The following TRRAP variants were observed in gnomAD, a reference collection of about 807,000 sequenced individuals.
TRRAP encodes transformation/transcription domain associated protein.
A neutral mutation model predicts 438.8 loss-of-function variants in TRRAP; 41 were observed. That is an observed-to-expected ratio of 0.09 (90% CI 0.07 to 0.12). The LOEUF (loss-of-function observed/expected upper bound fraction) is 0.12. Ranked by LOEUF, TRRAP falls within the 10% of genes least tolerant of loss-of-function variation. TRRAP has a pLI of 1.00. For missense variants in TRRAP, 3,122 were observed against 5,055.1 expected (o/e 0.62, Z 11.60); for synonymous variants, 1,994 against 1,962.9 (o/e 1.02, Z -0.42).
chr7:98,949,348 ATTCATATCCTCTAACT>A, intron 35 of TRRAP, 53 bp from the exon 36 acceptor site: 1 of 1,397,490 alleles, frequency 7.2e-7, no homozygotes, highest in Non-Finnish European at 9.4e-7. Context: ...AAGATTTAAC[ATTCATATCCTCTAACT>A]TTCTGTGAGT....
In TRRAP at chr7:98,931,702, CA is replaced by C. The variant is rs782413375; in HGVS notation, c.3852+41del. 5.0e-6 allele frequency: 8 copies of C among 1,589,764 alleles called. No homozygotes were observed. The South Asian group carries it at 9.1e-5, about 18-fold the overall frequency. On this transcript the variant is annotated intron_variant, in intron 26 of 72. Coordinates refer to ENST00000456197, the MANE Select transcript of TRRAP (RefSeq NM_001375524.1). ...GTCACCAGAACCAAGGTAATTTCAA[CA>C]AAACTTTTGAGCCTTTTTTTTAAAT...
chr7:98,967,780 C>A, intron 51 of TRRAP, 82 bp downstream of exon 51: 1 of 1,237,126 alleles, frequency 8.1e-7, no homozygotes, highest in Non-Finnish European at 1.1e-6. Context: ...GAGGTGTTCA[C>A]ACACACTGAG....
Position 98,953,369 on chromosome 7 carries a change from G to C in TRRAP, c.5666G>C (p.Ser1889Thr). ...TGCGTGGACCCAGCCTGCAAGTACA[G>C]CGGACACTTGCTCCTGGCGCACATT... Reference protein sequence around the residue: ...KACVDPACKYSGHLLLAHIIA... With the variant: ...KACVDPACKYTGHLLLAHIIA... The change falls in exon 40 of 73, where the codon AGC becomes ACC. Residue 1889 changes from serine (S) to threonine (T), a missense_variant. Around this residue, in one of 24 missense-constraint regions of TRRAP, gnomAD observed 22 missense variants for 28.8 expected, o/e 0.76. Transcript: ENST00000456197. 6.2e-7 allele frequency: 1 copy of C among 1,613,812 alleles called. No individual in the cohort carries two copies. Among genetic ancestry groups the C allele is most frequent in the Non-Finnish European group, 8.5e-7 (1 of 1,180,038 alleles).
chr7:98,962,558 G>A lies in TRRAP; in HGVS notation c.6829+131G>A, dbSNP rs1477700327. The A allele has an allele frequency of 6.5e-6, 10 of 1,534,160 alleles. 1 individual carries two copies. The South Asian group carries it at 9.9e-5, about 15-fold the overall frequency. On this transcript the variant is annotated intron_variant, in intron 47 of 72. Transcript: ENST00000456197. ...CTTTGAGCCGCTGCGTTGTTCAGGT[G>A]TCTGTTGCCTGGGGCCCTCAAGGCC...
intron 47 of TRRAP, among the ~76,000 whole-genome samples, chr7:98,963,544 C>G (rs1405542626): frequency 1.3e-5 from 2 of 152,186 alleles, no homozygotes; most frequent in African/African-American, 4.8e-5. Context: ...ACCGTCGTCC[C>G]CATGCCGGAT....
rs1790592971 is a variant in TRRAP at position 98,937,147 on chromosome 7, T to A, written c.4112-9T>A. 6.3e-7 allele frequency: 1 copy of A among 1,596,388 alleles called. No individual in the cohort carries two copies. Among genetic ancestry groups the A allele is most frequent in the Non-Finnish European group, 8.5e-7 (1 of 1,174,150 alleles). ...AATAATGGAATTGTCTTGATTTCTCTCCCTGAAGATGCACTTGCTGCCTGC... is the reference window on the plus strand; with the variant it reads ...AATAATGGAATTGTCTTGATTTCTCACCCTGAAGATGCACTTGCTGCCTGC... On this transcript the variant is annotated splice_polypyrimidine_tract_variant and intron_variant, in intron 28 of 72. Transcript: ENST00000456197.
At chr7:98,996,638 C>T (rs1274003735) in intron 67 of TRRAP, among the ~76,000 whole-genome samples, 1 of 152,192 alleles carries the variant, frequency 6.6e-6, no homozygotes, top group Admixed American at 6.5e-5. Context: ...TCAACTTATT[C>T]TTTAAATTAA....
Position 98,950,093 on chromosome 7 carries a change from T to A in TRRAP, c.5165T>A (p.Phe1722Tyr), listed in dbSNP as rs1554417885. 1 of 1,614,260 alleles carries A rather than the reference T, an allele frequency of 6.2e-7. No homozygotes were observed. The highest frequency in any genetic ancestry group is 1.1e-5 in the South Asian group (1 of 91,088). Residue 1722 changes from phenylalanine (F) to tyrosine (Y), a missense_variant, in exon 38 of 73, where the codon TTC (phenylalanine) becomes TAC (tyrosine). Around this residue, in one of 24 missense-constraint regions of TRRAP, gnomAD observed 272 missense variants for 348.5 expected, o/e 0.78. Coordinates refer to ENST00000456197, the MANE Select transcript of TRRAP (RefSeq NM_001375524.1). ...KRNYGDIELL[F>Y]QLLRAFTGRF... ...AATTACGGAGATATAGAATTGCTGT[T>A]CCAGCTGCTCCGAGCCTTTACTGGT...
chr7:98,984,427 G>A (rs1562971413), intron 61 of TRRAP, 69 bp downstream of exon 61: 22 of 1,471,974 alleles, frequency 1.5e-5, no homozygotes, highest in African/African-American at 1.4e-5. Context: ...GAGGCAATGT[G>A]GGGTCTCCTG....
rs748551063 is a variant in TRRAP at position 98,970,256 on chromosome 7, C to T, written c.7657C>T (p.Pro2553Ser). 8 of 1,613,298 alleles carry T rather than the reference C, an allele frequency of 5.0e-6. No homozygotes were observed. The highest frequency in any genetic ancestry group is 6.8e-6 in the Non-Finnish European group (8 of 1,180,008). Residue 2553 changes from proline to serine, a missense_variant, in exon 52 of 73, where the codon CCC becomes TCC. Pro to Ser is a moderately conservative substitution (Grantham distance 74). This residue lies in a region of TRRAP where 992 missense variants were observed against 1,281.2 expected (regional missense o/e 0.77). Coordinates refer to ENST00000456197, the MANE Select transcript of TRRAP (RefSeq NM_001375524.1). ...FAMVTHVKQE[P>S]RERENSESKE... is the part of the protein sequence containing the mutation. ...CATGGTCACACATGTCAAGCAGGAGCCCCGGGAGCGGGAGAACAGCGAGTC... is the reference window on the plus strand; with the variant it reads ...CATGGTCACACATGTCAAGCAGGAGTCCCGGGAGCGGGAGAACAGCGAGTC...
chr7:98,986,230 AG>A (rs1212360240), intron 62 of TRRAP, among the ~76,000 whole-genome samples: 6 of 152,332 alleles, frequency 3.9e-5, no homozygotes, highest in African/African-American at 1.4e-4. Flanking sequence ...TAGCTACATG[AG>A]TAATGCTGGT....
intron 37 of TRRAP, 57 bp downstream of exon 37, chr7:98,949,898 C>T (rs1398153608): frequency 1.9e-6 from 3 of 1,583,608 alleles, no homozygotes; most frequent in East Asian, 2.2e-5. Flanking sequence ...AAAGCTCAGC[C>T]AGAGCCTCCT....
At chr7:98,901,602 G>A (rs1796471616) in intron 11 of TRRAP, among the ~76,000 whole-genome samples, 1 of 152,188 alleles carries the variant, frequency 6.6e-6, no homozygotes, top group Non-Finnish European at 1.5e-5. Flanking sequence ...AGGGTGGAGT[G>A]CAGTGGCACA....
intron 3 of TRRAP, 122 bp from the exon 4 acceptor site, chr7:98,890,213 G>A: frequency 2.1e-6 from 1 of 465,620 alleles, no homozygotes. Flanking sequence ...AATAATACAA[G>A]TAGCACAAAT....
chr7:98,968,312 C>T (rs1443663224), intron 51 of TRRAP, among the ~76,000 whole-genome samples: 1 of 152,186 alleles, frequency 6.6e-6, no homozygotes, highest in Non-Finnish European at 1.5e-5. Flanking sequence ...AGGCACCATG[C>T]CTGGCCCCCA....
chr7:98,942,454 C>T (rs1455563388), intron 30 of TRRAP, among the ~76,000 whole-genome samples: 1 of 152,256 alleles, frequency 6.6e-6, no homozygotes, highest in Non-Finnish European at 1.5e-5. Flanking sequence ...ACCCCGACCC[C>T]CTCCTTTCTC....
chr7:98,994,350 G>A lies in TRRAP; in HGVS notation c.10048-237G>A, dbSNP rs561667612. Among the ~76,000 whole-genome samples the A allele has an allele frequency of 6.6e-6, 1 of 152,266 alleles. No homozygotes were observed. The highest frequency in any genetic ancestry group is 1.9e-4 in the East Asian group (1 of 5,170). ...AAAAAAGTGGGGCTTTTCTGTTTTC[G>A]CTTTTTGAATGTTCAGGTCCCTTAC... On this transcript the variant is annotated intron_variant, in intron 66 of 72. Transcript: ENST00000456197. This position sits in a 1 kb window ranked among gnomAD's most constrained non-coding sequence, Gnocchi z 4.8.
chr7:98,942,086 C>T (rs926347322), intron 30 of TRRAP, among the ~76,000 whole-genome samples: 1 of 152,194 alleles, frequency 6.6e-6, no homozygotes, highest in Non-Finnish European at 1.5e-5. Context: ...CTTTAAGGCC[C>T]GGGCATTTGT....
At chr7:98,966,087 A>G (rs967068554) in intron 49 of TRRAP, among the ~76,000 whole-genome samples, 192 bp downstream of exon 49, 5 of 152,190 alleles carry the variant, frequency 3.3e-5, no homozygotes, top group Non-Finnish European at 5.9e-5. Flanking sequence ...TGGACAGATC[A>G]CAAGGTCAGG....
Sources: gnomAD v4.1 joint callset for allele counts (sites outside exome capture counted in the v4.1 genomes callset) on GRCh38, gnomAD v4.1.1 for gene constraint, gnomAD v4.1.1 regional missense constraint, Gnocchi (gnomAD v3.1) non-coding constraint, MANE v1.5 for transcripts, NCBI Gene and HGNC (gene_info 2026-07-23, HGNC 2026-07-21) for gene names.